The following CCDC13 variants were observed in gnomAD, a reference collection of about 807,000 sequenced individuals.
The protein encoded by CCDC13 is coiled-coil domain containing 13.
A neutral mutation model predicts 87.3 loss-of-function variants in CCDC13; 70 were observed. That is an observed-to-expected ratio of 0.80 (90% confidence interval 0.66 to 0.98). CCDC13 has a LOEUF of 0.98. Among genes scored for constraint, CCDC13 ranks in the 50% least tolerant of loss-of-function variants. The pLI is 0.00. For synonymous variants in CCDC13, 317 were observed against 360.3 expected (o/e 0.88, Z 1.36); for missense variants, 842 against 892.0 (o/e 0.94, Z 0.71).
chr3:42,757,126 T>G lies in CCDC13; in HGVS notation c.310A>C (p.Arg104=). Residue 104 remains arginine, a synonymous_variant, in exon 3 of 16, where the codon AGG becomes CGG. Coordinates refer to ENST00000310232, the MANE Select transcript of CCDC13 (RefSeq NM_144719.4). The stretch of plus-strand genomic sequence containing the variant: ...TTGAGGTGTTTGATTTCAAAGTCCC[T>G]TTCCTTCAGCAGCTTATACAATCGC... ...NGRLYKLLKE[R]DFEIKHLKKK... is the part of the protein sequence containing the mutation. 6.2e-7 allele frequency: 1 copy of G among 1,614,234 alleles called. No homozygotes were observed. Among genetic ancestry groups the G allele is most frequent in the African/African-American group, 1.3e-5 (1 of 75,064 alleles).
At chr3:42,771,291 T>C (rs1277559627) in intron 1 of CCDC13, among the ~76,000 whole-genome samples, 2 of 152,260 alleles carry the variant, frequency 1.3e-5, no homozygotes, top group African/African-American at 4.8e-5. Context: ...CCAGTGATTG[T>C]AAATCCCTTC....
At chr3:42,709,839 G>GCCCTGTGCTAGCA (rs1267653728) in intron 14 of CCDC13, 41 bp from the exon 15 acceptor site, 18 of 1,471,584 alleles carry the variant, frequency 1.2e-5, no homozygotes, top group Non-Finnish European at 1.4e-5. Context: ...GGAGGCCACA[G>GCCCTGTGCTAGCA]CCCTGTGCTA....
chr3:42,754,006 C>T (rs1388601273), intron 3 of CCDC13, among the ~76,000 whole-genome samples: 2 of 152,184 alleles, frequency 1.3e-5, no homozygotes, highest in Non-Finnish European at 2.9e-5. Flanking sequence ...CTGACAGTCC[C>T]TTGCCCTCTC....
intron 13 of CCDC13, among the ~76,000 whole-genome samples, chr3:42,727,881 GA>G (rs551216327): frequency 5.3e-4 from 80 of 151,500 alleles, no homozygotes; most frequent in Non-Finnish European, 1.0e-3. Context: ...GAAGAAAGGA[GA>G]AAAAAAGGAA....
chr3:42,755,599 T>C (rs1184388862), intron 3 of CCDC13, among the ~76,000 whole-genome samples: 1 of 152,228 alleles, frequency 6.6e-6, no homozygotes, highest in Admixed American at 6.5e-5. Context: ...AGAGCAAGAC[T>C]CTGTCTCAAA....
At chr3:42,744,804 CAAAAAAAAAAAAAAA>C (rs56234512) in intron 7 of CCDC13, 1 of 47,548 alleles carries the variant, frequency 2.1e-5, no homozygotes, top group Admixed American at 2.7e-4. Flanking sequence ...GACTCCGTCT[CAAAAAAAAAAAAAAA>C]AAAAAAAAAA....
Position 42,738,839 on chromosome 3 carries a change from A to G in CCDC13, c.1164+795T>C, listed in dbSNP as rs138916388. Reference sequence around the variant, plus strand: ...GATGATGGGGTTTTCTAAATATACAATCATGTCATCTGCAAACAGGAACAA... The same window carrying G: ...GATGATGGGGTTTTCTAAATATACAGTCATGTCATCTGCAAACAGGAACAA... On this transcript the variant is annotated intron_variant, in intron 9 of 15. Coordinates refer to ENST00000310232, the MANE Select transcript of CCDC13 (RefSeq NM_144719.4). Among the ~76,000 whole-genome samples the G allele has an allele frequency of 5.1e-3, 751 of 148,112 alleles. 7 individuals are homozygous for G. Among genetic ancestry groups the G allele is most frequent in the African/African-American group, 0.018 (720 of 40,316 alleles).
chr3:42,730,649 C>T (rs1406176517), intron 12 of CCDC13, 60 bp from the exon 13 acceptor site: 53 of 1,592,164 alleles, frequency 3.3e-5, no homozygotes, highest in African/African-American at 6.7e-5. Context: ...ATAACACTTA[C>T]CCCTGTGATG....
intron 1 of CCDC13, 58 bp downstream of exon 1, chr3:42,773,118 G>T (rs959265691): frequency 6.6e-6 from 1 of 152,172 alleles, no homozygotes; most frequent in Non-Finnish European, 1.5e-5. Flanking sequence ...CCGCGCCCCC[G>T]GCAGCTGCGG....
In CCDC13 at chr3:42,706,304, G is replaced by A. The variant is rs1399387268; in HGVS notation, c.*2676C>T. Reference sequence around the variant, plus strand: ...CCTCGGCACCTCTGTGCCTGGGGCAGAGGAACTGCTCAACAAGTTCTGGTT... The same window carrying A: ...CCTCGGCACCTCTGTGCCTGGGGCAAAGGAACTGCTCAACAAGTTCTGGTT... On this transcript the variant is annotated 3_prime_UTR_variant, in exon 16 of 16. Coordinates refer to ENST00000310232, the MANE Select transcript of CCDC13 (RefSeq NM_144719.4). 1 of 152,304 alleles carries A rather than the reference G, an allele frequency of 6.6e-6. No homozygotes were observed. Among genetic ancestry groups the A allele is most frequent in the Non-Finnish European group, 1.5e-5 (1 of 68,070 alleles). The allele number at this position is 152,304 out of a possible 1,614,324, so 9.4% of individuals were successfully genotyped here.
At chr3:42,737,289 A>T (rs1424540690) in intron 9 of CCDC13, among the ~76,000 whole-genome samples, 1 of 152,202 alleles carries the variant, frequency 6.6e-6, no homozygotes, top group East Asian at 1.9e-4. Context: ...TACATGTGCC[A>T]CATTTTCTTA....
At chr3:42,754,765 GAGA>G (rs1559658949) in intron 3 of CCDC13, among the ~76,000 whole-genome samples, 2 of 152,204 alleles carry the variant, frequency 1.3e-5, no homozygotes, top group African/African-American at 2.4e-5. Context: ...AGAGGTTCAA[GAGA>G]AGGTCTTTCT....
chr3:42,749,487 C>T (rs1225753124), intron 5 of CCDC13, among the ~76,000 whole-genome samples: 3 of 152,232 alleles, frequency 2.0e-5, no homozygotes, highest in African/African-American at 7.2e-5. Flanking sequence ...GTTGCTAGGA[C>T]AACGCATGTC....
At chr3:42,709,273 C>A (rs147639034) in intron 15 of CCDC13, 134 bp from the exon 16 acceptor site, 123 of 837,908 alleles carry the variant, frequency 1.5e-4, no homozygotes, top group Middle Eastern at 1.3e-3. Flanking sequence ...CCATCCCCTC[C>A]TCTCACTGAC....
intron 1 of CCDC13, chr3:42,770,935 C>T (rs952557547): frequency 3.3e-5 from 5 of 152,290 alleles, no homozygotes; most frequent in African/African-American, 1.2e-4. Flanking sequence ...GACACGCCAC[C>T]TTTAAGAACT....
At chr3:42,715,927 C>T (rs978636118) in intron 13 of CCDC13, among the ~76,000 whole-genome samples, 1 of 152,178 alleles carries the variant, frequency 6.6e-6, no homozygotes, top group South Asian at 2.1e-4. Flanking sequence ...GCCACCAGAG[C>T]TGTGAGAAAT....
At chr3:42,772,796 G>A (rs1364851915) in intron 1 of CCDC13, among the ~76,000 whole-genome samples, 1 of 152,172 alleles carries the variant, frequency 6.6e-6, no homozygotes, top group Admixed American at 6.5e-5. Context: ...AGTGCACGCC[G>A]TCGGGTCGCA....
intron 6 of CCDC13, chr3:42,746,752 A>AT (rs1699405768): frequency 5.5e-6 from 1 of 181,390 alleles, no homozygotes; most frequent in African/African-American, 2.4e-5. Flanking sequence ...ATAAAAATAA[A>AT]TAACGAACCA....
At chr3:42,742,612 C>T (rs1208907690) in intron 8 of CCDC13, among the ~76,000 whole-genome samples, 1 of 152,162 alleles carries the variant, frequency 6.6e-6, no homozygotes, top group Non-Finnish European at 1.5e-5. Flanking sequence ...TGACCCTCCC[C>T]CTCTCCCTTT....
Sources: allele counts gnomAD v4.1 joint callset (sites outside exome capture counted in the v4.1 genomes callset), GRCh38; gene constraint gnomAD v4.1.1; transcripts MANE v1.5; gene names NCBI Gene and HGNC (gene_info 2026-07-23, HGNC 2026-07-21).